ABCA13: variants seen among roughly 807,000 people sequenced by gnomAD.
The protein encoded by ABCA13 is ATP-binding cassette sub-family A member 13.
In ABCA13, 476 loss-of-function variants were observed where a neutral mutation model predicts 478.7. The ratio of observed to expected loss-of-function variants is 0.99; its 90% CI spans 0.92 to 1.07. The LOEUF (loss-of-function observed/expected upper bound fraction) is 1.07. ABCA13 is among the 50% of genes least tolerant of loss of function. The probability of loss-of-function intolerance (pLI) is 0.00; values close to 1 mark genes in which losing one functional copy is unlikely to be tolerated. For missense variants in ABCA13, 6,060 were observed against 5,910.6 expected, an observed-to-expected ratio of 1.03 and a Z score of -0.83; for synonymous variants, 2,252 against 2,158.9, an observed-to-expected ratio of 1.04 and a Z score of -1.20.
At chr7:48,404,006 A>T in intron 39 of ABCA13, 127 bp downstream of exon 39, 2 of 1,177,436 alleles carry the variant, frequency 1.7e-6, no homozygotes, top group Non-Finnish European at 2.4e-6. Flanking sequence ...GAAAAATATA[A>T]ATTTTTAAAA....
At chr7:48,348,671 T>A (rs779154893) in intron 29 of ABCA13, among the ~76,000 whole-genome samples, 3 of 152,250 alleles carry the variant, frequency 2.0e-5, no homozygotes, top group Non-Finnish European at 4.4e-5. Context: ...ACTAAATGGC[T>A]TTATGCCTTT....
At chr7:48,622,969 G>A (rs1793294647) in intron 59 of ABCA13, among the ~76,000 whole-genome samples, 1 of 152,120 alleles carries the variant, frequency 6.6e-6, no homozygotes, top group African/African-American at 2.4e-5. Context: ...TCTCATGATT[G>A]TCCACATTTA....
chr7:48,420,456 A>G (rs1005810681), intron 41 of ABCA13, among the ~76,000 whole-genome samples: 2 of 152,246 alleles, frequency 1.3e-5, no homozygotes, highest in African/African-American at 4.8e-5. Context: ...TCTGAAGCCA[A>G]GACAAAACTT....
At chr7:48,382,836 G>C (rs147460364) in intron 35 of ABCA13, among the ~76,000 whole-genome samples, 1 of 151,864 alleles carries the variant, frequency 6.6e-6, no homozygotes, top group East Asian at 1.9e-4. Context: ...ATTCATTGGC[G>C]TGTCCCTCGT....
At chr7:48,440,499 A>G (rs1823433838) in intron 42 of ABCA13, among the ~76,000 whole-genome samples, 2 of 152,180 alleles carry the variant, frequency 1.3e-5, no homozygotes, top group African/African-American at 2.4e-5. Flanking sequence ...TTATGTCAAA[A>G]TTTATTTAAA....
At chr7:48,468,631 C>T (rs1459438792) in intron 44 of ABCA13, among the ~76,000 whole-genome samples, 1 of 152,172 alleles carries the variant, frequency 6.6e-6, no homozygotes, top group Admixed American at 6.5e-5. Flanking sequence ...CTGTAGATTT[C>T]CTTCTGTAAG....
At chr7:48,267,748 G>T (rs527762906) in intron 15 of ABCA13, among the ~76,000 whole-genome samples, 4 of 152,230 alleles carry the variant, frequency 2.6e-5, no homozygotes, top group Non-Finnish European at 2.9e-5. Flanking sequence ...CCTTCTGCTA[G>T]TTCTATCATT....
intron 44 of ABCA13, among the ~76,000 whole-genome samples, chr7:48,471,180 C>T (rs749317144): frequency 6.6e-6 from 1 of 152,148 alleles, no homozygotes; most frequent in Non-Finnish European, 1.5e-5. Flanking sequence ...GAATTGACGT[C>T]TTGCTGTTTA....
intron 59 of ABCA13, among the ~76,000 whole-genome samples, chr7:48,626,290 A>T (rs912467473): frequency 2.0e-5 from 3 of 152,174 alleles, no homozygotes; most frequent in Admixed American, 6.5e-5. Flanking sequence ...TAGGGGAAGG[A>T]TTGGCACAGG....
At chr7:48,455,325 G>A in intron 43 of ABCA13, 39 bp downstream of exon 43, 2 of 1,567,524 alleles carry the variant, frequency 1.3e-6, no homozygotes, top group Non-Finnish European at 8.7e-7. Context: ...AAATTATGTC[G>A]AGGCAGATTA....
At chr7:48,532,499 G>A (rs1235316457) in intron 55 of ABCA13, among the ~76,000 whole-genome samples, 1 of 151,952 alleles carries the variant, frequency 6.6e-6, no homozygotes, top group Admixed American at 6.6e-5. Context: ...TTTGGTATTG[G>A]GGTGACACTG....
chr7:48,475,010 A>G (rs941543027), intron 45 of ABCA13, among the ~76,000 whole-genome samples: 1 of 152,250 alleles, frequency 6.6e-6, no homozygotes, highest in African/African-American at 2.4e-5. Flanking sequence ...AAGCAGTATT[A>G]AGCAGGTATC....
rs779151103 is a variant in ABCA13, at chr7:48,600,958, G to A, written c.14744+6145G>A. On this transcript the variant is annotated intron_variant, in intron 58 of 61. Coordinates refer to ENST00000435803, the MANE Select transcript of ABCA13 (RefSeq NM_152701.5). ...TCCTTTTCTTTTGGTCTTCCATTAC[G>A]TGTATGTTGAAACTCTGATCTTATC... 1.4e-4 allele frequency among the ~76,000 whole-genome samples: 21 copies of A among 151,990 alleles called. No homozygotes were observed. The East Asian group carries it at 2.5e-3, about 18-fold the overall frequency.
chr7:48,297,461 AT>A, intron 22 of ABCA13, 150 bp downstream of exon 22: 1 of 800,066 alleles, frequency 1.2e-6, no homozygotes, highest in South Asian at 1.8e-5. Context: ...TGTATTTGGC[AT>A]TTATAAAGAA....
intron 55 of ABCA13, among the ~76,000 whole-genome samples, chr7:48,544,442 C>G (rs905570446): frequency 1.3e-5 from 2 of 151,740 alleles, no homozygotes; most frequent in Admixed American, 1.3e-4. Context: ...ACCCCTCAAT[C>G]TCAGGGGATG....
intron 42 of ABCA13, among the ~76,000 whole-genome samples, chr7:48,445,051 C>A (rs1323170332): frequency 6.6e-6 from 1 of 151,230 alleles, no homozygotes; most frequent in East Asian, 2.0e-4. Context: ...TCTTGTCACC[C>A]AGGCTGGAGT....
At chr7:48,319,046 C>T (rs965507992) in intron 27 of ABCA13, among the ~76,000 whole-genome samples, 1 of 152,094 alleles carries the variant, frequency 6.6e-6, no homozygotes, top group East Asian at 1.9e-4. Context: ...GCAGCAGAGG[C>T]ACAGGCTGTG....
intron 47 of ABCA13, among the ~76,000 whole-genome samples, chr7:48,487,292 G>A (rs1408479852): frequency 2.1e-5 from 3 of 146,082 alleles, no homozygotes; most frequent in African/African-American, 7.8e-5. Context: ...CCTGGGCAAC[G>A]AGCAAAACTG....
At chr7:48,461,708 C>T (rs1226262590) in intron 43 of ABCA13, among the ~76,000 whole-genome samples, 2 of 152,072 alleles carry the variant, frequency 1.3e-5, no homozygotes, top group African/African-American at 4.8e-5. Flanking sequence ...TGCTGGTAGT[C>T]GTACCTCTTA....
Sources: gnomAD v4.1 joint callset for allele counts (sites outside exome capture counted in the v4.1 genomes callset) on GRCh38, gnomAD v4.1.1 for gene constraint, MANE v1.5 for transcripts, NCBI Gene and HGNC (gene_info 2026-07-23, HGNC 2026-07-21) for gene names.